Variants in ADGRL3 observed in about 807,000 individuals in gnomAD.
The protein encoded by ADGRL3 is adhesion G protein-coupled receptor L3, also known as calcium-independent alpha-latrotoxin receptor 3.
Under a neutral mutation model 153.5 loss-of-function variants are expected in ADGRL3, and 62 were observed. That is an observed-to-expected ratio of 0.40 (90% CI 0.33 to 0.50). The LOEUF is 0.50. ADGRL3 is among the 20% of genes least tolerant of loss of function. ADGRL3 has a pLI of 0.47. For missense variants in ADGRL3, 1,641 were observed against 1,859.4 expected, an observed-to-expected ratio of 0.88 and a Z score of 2.16; for synonymous variants, 710 against 672.5, an observed-to-expected ratio of 1.06 and a Z score of -0.86.
chr4:62,043,237 A>G (rs978175780), intron 24 of ADGRL3, among the ~76,000 whole-genome samples: 9 of 152,076 alleles, frequency 5.9e-5, no homozygotes, highest in African/African-American at 2.2e-4. Flanking sequence ...CATCTCCATA[A>G]GGGTCAAGAC....
chr4:61,993,192 G>GTGTT (rs1203811817), intron 19 of ADGRL3, among the ~76,000 whole-genome samples: 1 of 150,384 alleles, frequency 6.6e-6, no homozygotes, highest in Admixed American at 6.7e-5. Context: ...GTGTGTGTGT[G>GTGTT]TGTGTGTGTC....
chr4:61,407,834 C>T (rs1319136105), intron 2 of ADGRL3, among the ~76,000 whole-genome samples: 3 of 152,088 alleles, frequency 2.0e-5, no homozygotes, highest in Non-Finnish European at 4.4e-5. Flanking sequence ...AATGAATTCA[C>T]TAGAGAATGA....
chr4:61,931,853 C>T (rs1201466449), intron 13 of ADGRL3, among the ~76,000 whole-genome samples: 1 of 151,992 alleles, frequency 6.6e-6, no homozygotes, highest in Non-Finnish European at 1.5e-5. Flanking sequence ...AATATTGCAC[C>T]TTGTAGTTTT....
At chr4:61,291,815 C>T (rs2094227397) in intron 1 of ADGRL3, among the ~76,000 whole-genome samples, 2 of 146,704 alleles carry the variant, frequency 1.4e-5, no homozygotes, top group East Asian at 2.0e-4. Context: ...GTTCTATATG[C>T]GAAGAAGAGT....
Position 61,694,176 on chromosome 4 carries a change from A to ATTTTTTT in ADGRL3, c.583+17243_583+17244insTTTTTTT, listed in dbSNP as rs2095592928. Among the ~76,000 whole-genome samples the ATTTTTTT allele has an allele frequency of 1.9e-4, 18 of 94,702 alleles. 1 individual carries two copies. Among genetic ancestry groups the ATTTTTTT allele is most frequent in the African/African-American group, 4.4e-4 (12 of 27,122 alleles). 62.1% of individuals were successfully genotyped at this position (94,702 alleles called of 152,430 possible). A position where few individuals can be genotyped will look rare whatever the true frequency, so the allele number is the denominator to read the frequency against. On this transcript the variant is annotated intron_variant, in intron 6 of 26. Coordinates refer to ENST00000683033, the MANE Select transcript of ADGRL3 (RefSeq NM_001387552.1). ...TCCTATACTATTTTAAAATTTTGTC[A>ATTTTTTT]TTATTTTTTTTTTTTTTTTTTTTTT...
At chr4:61,362,186 A>G (rs976173544) in intron 1 of ADGRL3, among the ~76,000 whole-genome samples, 1 of 151,334 alleles carries the variant, frequency 6.6e-6, no homozygotes, top group African/African-American at 2.4e-5. Context: ...TATTTTTAGT[A>G]GAGACGGTGT....
intron 1 of ADGRL3, among the ~76,000 whole-genome samples, chr4:61,246,545 G>A (rs530200439): frequency 5.3e-5 from 8 of 152,006 alleles, no homozygotes; most frequent in African/African-American, 1.4e-4. Flanking sequence ...TATTTAGGTT[G>A]AAACTTAGCA....
At chr4:61,665,658 C>T (rs565106222) in intron 5 of ADGRL3, among the ~76,000 whole-genome samples, 1 of 152,204 alleles carries the variant, frequency 6.6e-6, no homozygotes, top group African/African-American at 2.4e-5. Context: ...TGATATTATT[C>T]TTATTTTTAA....
chr4:61,430,397 A>G (rs2097341548), intron 2 of ADGRL3, among the ~76,000 whole-genome samples: 1 of 152,156 alleles, frequency 6.6e-6, no homozygotes, highest in Non-Finnish European at 1.5e-5. Flanking sequence ...AAGGATTGGT[A>G]TAGAGAATAA....
At chr4:61,769,186 A>G (rs1473147232) in intron 8 of ADGRL3, among the ~76,000 whole-genome samples, 6 of 152,068 alleles carry the variant, frequency 3.9e-5, no homozygotes, top group Non-Finnish European at 7.4e-5. Context: ...ATGATTAAAT[A>G]CCAAGGGAAG....
At chr4:61,755,267 C>G (rs2096811209) in intron 8 of ADGRL3, among the ~76,000 whole-genome samples, 1 of 151,964 alleles carries the variant, frequency 6.6e-6, no homozygotes, top group Non-Finnish European at 1.5e-5. Flanking sequence ...TCTCTACATC[C>G]TCTCCAGCAC....
At chr4:61,846,121 C>G (rs1283978924) in intron 9 of ADGRL3, among the ~76,000 whole-genome samples, 2 of 151,932 alleles carry the variant, frequency 1.3e-5, no homozygotes, top group Non-Finnish European at 2.9e-5. Flanking sequence ...TCAACACCAG[C>G]CTGGACAACA....
chr4:61,339,183 A>G (rs2095750947), intron 1 of ADGRL3, among the ~76,000 whole-genome samples: 1 of 152,206 alleles, frequency 6.6e-6, no homozygotes, highest in Non-Finnish European at 1.5e-5. Flanking sequence ...TTAAATGATT[A>G]TAAGAGTAGT....
chr4:61,214,482 G>A (rs1245092636), intron 1 of ADGRL3, among the ~76,000 whole-genome samples: 1 of 152,196 alleles, frequency 6.6e-6, no homozygotes, highest in African/African-American at 2.4e-5. Flanking sequence ...AAAAGTAGGA[G>A]CAAATTATCA....
intron 6 of ADGRL3, among the ~76,000 whole-genome samples, chr4:61,729,383 C>T (rs2096402787): frequency 6.6e-6 from 1 of 151,786 alleles, no homozygotes; most frequent in African/African-American, 2.4e-5. Flanking sequence ...ATTGAGGCTT[C>T]AAAAAAGTCG....
At chr4:62,031,956 TACACACACACACACAC>T (rs146856591) in intron 23 of ADGRL3, among the ~76,000 whole-genome samples, 8 of 137,848 alleles carry the variant, frequency 5.8e-5, no homozygotes, top group African/African-American at 1.8e-4. Flanking sequence ...GCATGAGTTA[TACACACACACACACAC>T]ACACACACAC....
intron 5 of ADGRL3, among the ~76,000 whole-genome samples, chr4:61,613,095 T>C (rs2091575185): frequency 6.6e-6 from 1 of 152,100 alleles, no homozygotes; most frequent in South Asian, 2.1e-4. Context: ...AGTAATCATA[T>C]CTTGTGCCTT....
intron 1 of ADGRL3, among the ~76,000 whole-genome samples, chr4:61,269,814 T>G (rs2093057618): frequency 6.6e-6 from 1 of 151,780 alleles, no homozygotes; most frequent in South Asian, 2.1e-4. Flanking sequence ...ACTTGCCATT[T>G]AATTCATTTC....
At chr4:61,413,212 A>C (rs142783961) in intron 2 of ADGRL3, among the ~76,000 whole-genome samples, 74 of 152,274 alleles carry the variant, frequency 4.9e-4, no homozygotes, top group South Asian at 1.2e-3. Flanking sequence ...CTAGGCCTCT[A>C]CTGATGCTGC....
Sources: gnomAD v4.1 joint callset for allele counts (sites outside exome capture counted in the v4.1 genomes callset) on GRCh38, gnomAD v4.1.1 for gene constraint, MANE v1.5 for transcripts, NCBI Gene and HGNC (gene_info 2026-07-23, HGNC 2026-07-21) for gene names.